Variants in TRIM16 observed in about 807,000 individuals in gnomAD.
TRIM16 encodes tripartite motif-containing protein 16.
TRIM16 carries 33 observed loss-of-function variants against 50.4 expected under a neutral mutation model. That is an observed-to-expected ratio of 0.65 (90% CI 0.50 to 0.88). The LOEUF (loss-of-function observed/expected upper bound fraction) is 0.88. Ranked by LOEUF, TRIM16 falls within the 40% of genes least tolerant of loss-of-function variation. The probability of loss-of-function intolerance (pLI) is 0.00; values close to 1 mark genes in which losing one functional copy is unlikely to be tolerated. For synonymous variants in TRIM16, 229 were observed against 270.7 expected (o/e 0.85, Z 1.51); for missense variants, 581 against 686.8 (o/e 0.85, Z 1.72).
intron 11 of TRIM16, among the ~76,000 whole-genome samples, chr17:15,629,832 T>G (rs1332714187): frequency 2.0e-5 from 3 of 152,146 alleles, no homozygotes; most frequent in Non-Finnish European, 4.4e-5. Context: ...ATTCTACCAC[T>G]TCTCTCCAGC....
At chr17:15,681,813 T>C (rs991019904) in intron 3 of TRIM16, among the ~76,000 whole-genome samples, 16 of 152,398 alleles carry the variant, frequency 1.0e-4, no homozygotes, top group Admixed American at 2.0e-4. Flanking sequence ...CAATCCTCTC[T>C]CCACCCATCT....
intron 7 of TRIM16, among the ~76,000 whole-genome samples, chr17:15,648,615 C>T (rs532176734): frequency 6.6e-6 from 1 of 152,318 alleles, no homozygotes; most frequent in South Asian, 2.1e-4. Context: ...CAGCGAGTAA[C>T]TCTAGCAGGC....
chr17:15,655,265 G>C (rs1015118422), intron 6 of TRIM16, among the ~76,000 whole-genome samples: 2 of 152,204 alleles, frequency 1.3e-5, no homozygotes, highest in African/African-American at 4.8e-5. Flanking sequence ...GGGAAGAAAA[G>C]GTAGTTGCCC....
At chr17:15,668,423 A>G (rs1013883128) in intron 6 of TRIM16, among the ~76,000 whole-genome samples, 9 of 152,238 alleles carry the variant, frequency 5.9e-5, no homozygotes, top group African/African-American at 1.9e-4. Context: ...TTCAAAAAAT[A>G]TAAGTCTGAT....
At chr17:15,650,953 G>T in intron 7 of TRIM16, 138 bp downstream of exon 7, 1 of 1,238,866 alleles carries the variant, frequency 8.1e-7, no homozygotes, top group Non-Finnish European at 1.1e-6. Context: ...GACCCAGCAG[G>T]CAGACGCTGA....
Position 15,628,306 on chromosome 17 carries a change from G to T in TRIM16, c.*309C>A. ...CACCTGTAATCCCAGCTACTCGGGA[G>T]GCTGAGGCAGGAGAATTGCTTGAAC... On this transcript the variant is annotated 3_prime_UTR_variant, in exon 12 of 12. Coordinates refer to ENST00000649191, the MANE Select transcript of TRIM16 (RefSeq NM_001348119.1). 1 of 242,098 alleles carries T rather than the reference G, an allele frequency of 4.1e-6. No individual in the cohort carries two copies. The highest frequency in any genetic ancestry group is 7.9e-6 in the Non-Finnish European group (1 of 126,130). The allele number at this position is 242,098 out of a possible 1,614,324, so 15.0% of individuals were successfully genotyped here.
At chr17:15,648,049 C>A (rs563123722) in intron 7 of TRIM16, among the ~76,000 whole-genome samples, 161 of 152,014 alleles carry the variant, frequency 1.1e-3, no homozygotes, top group African/African-American at 3.8e-3. Context: ...CACGGTGAAA[C>A]CCCATCTCTA....
chr17:15,650,983 T>C (rs913921831), intron 7 of TRIM16, 108 bp downstream of exon 7: 3 of 1,439,970 alleles, frequency 2.1e-6, no homozygotes, highest in African/African-American at 2.8e-5. Context: ...TTTTCAGGTA[T>C]GCTCAGAGCA....
Position 15,682,837 on chromosome 17 carries a change from A to ATTC in TRIM16, c.-679+14_-679+16dup. ...AGGGAATATTAGTAAAATCACCACC[A>ATTC]TTCTTCGCACACTCACCACGCACCA... On this transcript the variant is annotated intron_variant, in intron 3 of 11. Transcript: ENST00000649191. 1.4e-6 allele frequency: 2 copies of ATTC among 1,417,668 alleles called. No homozygotes were observed. The highest frequency in any genetic ancestry group is 1.8e-6 in the Non-Finnish European group (2 of 1,090,924). The allele number at this position is 1,417,668 out of a possible 1,614,324, so 87.8% of individuals were successfully genotyped here.
At chr17:15,634,954 C>T (rs1377220) in intron 9 of TRIM16, among the ~76,000 whole-genome samples, 53,298 of 148,530 alleles carry the variant, frequency 0.36, 13,152 homozygotes, top group African/African-American at 0.56. Context: ...ATATTTTCTT[C>T]GTGTTTTGAT....
chr17:15,669,242 C>A (rs958581330), intron 6 of TRIM16, among the ~76,000 whole-genome samples: 8 of 151,512 alleles, frequency 5.3e-5, no homozygotes, highest in Admixed American at 2.0e-4. Flanking sequence ...ACAGAAATAG[C>A]AGCATGACCA....
rs1413918512 is a variant in TRIM16, at chr17:15,651,009, T to C, written c.519+82A>G. 95 of 1,532,624 alleles carry C rather than the reference T, an allele frequency of 6.2e-5. 2 individuals carry two copies. In the South Asian group the frequency reaches 1.1e-3, roughly 17 times the overall value. The allele number at this position is 1,532,624 out of a possible 1,614,324, so 94.9% of individuals were successfully genotyped here. A position where few individuals can be genotyped will look rare whatever the true frequency, so the allele number is the denominator to read the frequency against. ...GCTCAGAGCATAGTAGTGGCGTCAG[T>C]GGACCTAGCAGCTGCAGCCAGCTGG... On this transcript the variant is annotated intron_variant, in intron 7 of 11. Coordinates refer to ENST00000649191, the MANE Select transcript of TRIM16 (RefSeq NM_001348119.1).
chr17:15,662,734 A>T (rs1326522257), intron 6 of TRIM16, among the ~76,000 whole-genome samples: 1 of 152,214 alleles, frequency 6.6e-6, no homozygotes, highest in Non-Finnish European at 1.5e-5. Context: ...CATTATCTAC[A>T]TGAGATACAG....
intron 6 of TRIM16, among the ~76,000 whole-genome samples, chr17:15,652,815 T>G (rs114994165): frequency 0.011 from 1,630 of 152,154 alleles, 33 homozygotes; most frequent in African/African-American, 0.037. Context: ...AACATTCCAG[T>G]AATGTCCGTC....
chr17:15,682,755 T>A, intron 3 of TRIM16, 99 bp downstream of exon 3: 1 of 1,154,626 alleles, frequency 8.7e-7, no homozygotes, highest in Admixed American at 3.9e-5. Context: ...AGGCAGGTGG[T>A]ATAATGGAAA....
intron 7 of TRIM16, among the ~76,000 whole-genome samples, chr17:15,644,944 T>G (rs1350445228): frequency 6.6e-6 from 1 of 151,754 alleles, no homozygotes; most frequent in Non-Finnish European, 1.5e-5. Flanking sequence ...GCCTCCTGAG[T>G]AGCTGGGATT....
intron 4 of TRIM16, 89 bp downstream of exon 4, chr17:15,680,776 G>T: frequency 7.1e-7 from 1 of 1,417,940 alleles, no homozygotes; most frequent in Non-Finnish European, 9.4e-7. Context: ...TTTGCTTCAG[G>T]AATTAAAATA....
intron 3 of TRIM16, among the ~76,000 whole-genome samples, chr17:15,682,221 G>A (rs895331086): frequency 1.3e-5 from 2 of 151,966 alleles, no homozygotes; most frequent in African/African-American, 4.8e-5. Flanking sequence ...AGACTTTATG[G>A]CGCTTTCTTT....
intron 8 of TRIM16, 151 bp from the exon 9 acceptor site, chr17:15,636,420 A>C: frequency 1.4e-6 from 1 of 690,512 alleles, no homozygotes. Context: ...TTCTCATGTG[A>C]ATTCCAGGTT....
Sources: allele counts gnomAD v4.1 joint callset (sites outside exome capture counted in the v4.1 genomes callset), GRCh38; gene constraint gnomAD v4.1.1; transcripts MANE v1.5; gene names NCBI Gene and HGNC (gene_info 2026-07-23, HGNC 2026-07-21).